Variants in ALG12 observed in about 807,000 individuals in gnomAD.
ALG12 encodes dol-P-Man:Man(7)GlcNAc(2)-PP-Dol alpha-1,6-mannosyltransferase.
ALG12 carries 36 observed loss-of-function variants against 46.0 expected under a neutral mutation model. The ratio of observed to expected loss-of-function variants is 0.78; its 90% CI spans 0.60 to 1.03. The LOEUF is 1.03. Among genes scored for constraint, ALG12 ranks in the 50% least tolerant of loss-of-function variants. The probability of loss-of-function intolerance (pLI) is 0.00; values close to 1 mark genes in which losing one functional copy is unlikely to be tolerated. For missense variants in ALG12, 599 were observed against 633.5 expected (o/e 0.95, Z 0.58); for synonymous variants, 326 against 291.6 (o/e 1.12, Z -1.20).
chr22:49,896,318 T>A (rs2060483434), downstream of ALG12, among the ~76,000 whole-genome samples: 1 of 152,250 alleles, frequency 6.6e-6, no homozygotes, highest in Non-Finnish European at 1.5e-5. Flanking sequence ...ATAAAGGTTT[T>A]TCCAGAAGCA....
intron 1 of ALG12, among the ~76,000 whole-genome samples, chr22:49,917,848 A>G (rs2060622919): frequency 7.0e-6 from 1 of 142,908 alleles, no homozygotes; most frequent in African/African-American, 2.7e-5. Context: ...CATCACCTCA[A>G]GCGCCTGTAG....
chr22:49,870,736 G>GCAGATATTTT, the ALG12 span, among the ~76,000 whole-genome samples: 1 of 151,952 alleles, frequency 6.6e-6, no homozygotes, highest in Non-Finnish European at 1.5e-5. Flanking sequence ...TGCATAGTTT[G>GCAGATATTTT]CAGATATTTT....
At chr22:49,867,401 G>C in the ALG12 span, among the ~76,000 whole-genome samples, 1 of 152,214 alleles carries the variant, frequency 6.6e-6, no homozygotes, top group Admixed American at 6.5e-5. Context: ...GCACTGCGGT[G>C]CATCCACTGG....
the ALG12 span, among the ~76,000 whole-genome samples, chr22:49,874,764 G>A: frequency 3.9e-5 from 5 of 126,746 alleles, no homozygotes; most frequent in Non-Finnish European, 6.2e-5. Context: ...ACTGCACCTC[G>A]ACCTCCCGTC....
the ALG12 span, chr22:49,886,552 C>T: frequency 6.4e-7 from 1 of 1,563,108 alleles, no homozygotes; most frequent in African/African-American, 1.4e-5. The surrounding 1 kb of genome is among the most constrained non-coding windows in gnomAD (Gnocchi z 7.7). Context: ...GGTACACATC[C>T]TCAACAGGAA....
chr22:49,907,255 C>G (rs1450156072), intron 7 of ALG12, among the ~76,000 whole-genome samples: 1 of 152,206 alleles, frequency 6.6e-6, no homozygotes, highest in African/African-American at 2.4e-5. Context: ...TGCCCTCTGC[C>G]GCTGCTACCT....
the ALG12 span, among the ~76,000 whole-genome samples, chr22:49,861,711 A>G: frequency 5.3e-5 from 8 of 152,292 alleles, no homozygotes; most frequent in Non-Finnish European, 1.0e-4. Flanking sequence ...TGCTGGGATT[A>G]CAGGCGTGAG....
chr22:49,900,823 C>G lies in ALG12; in HGVS notation c.*3015G>C, dbSNP rs951080105. The G allele has an allele frequency of 6.6e-6, 1 of 152,262 alleles. No homozygotes were observed. The highest frequency in any genetic ancestry group is 1.5e-5 in the Non-Finnish European group (1 of 68,072). 9.4% of individuals were successfully genotyped at this position (152,262 alleles called of 1,614,324 possible). A position where few individuals can be genotyped will look rare whatever the true frequency, so the allele number is the denominator to read the frequency against. On this transcript the variant is annotated 3_prime_UTR_variant, in exon 10 of 10. Transcript: ENST00000330817. ...ACATATTACATATGTACGTGTGCAACTGCACGCAGCATGCCTGTCCTCCCT... is the reference window on the plus strand; with the variant it reads ...ACATATTACATATGTACGTGTGCAAGTGCACGCAGCATGCCTGTCCTCCCT...
At chr22:49,895,577 G>A (rs150379693), downstream of ALG12, among the ~76,000 whole-genome samples, 11 of 152,012 alleles carry the variant, frequency 7.2e-5, no homozygotes, top group African/African-American at 2.7e-4. Flanking sequence ...ACTTGAACCT[G>A]GGAGGCAGTG....
the ALG12 span, among the ~76,000 whole-genome samples, chr22:49,859,998 C>A: frequency 1.5e-5 from 2 of 132,832 alleles, no homozygotes; most frequent in Non-Finnish European, 3.2e-5. Flanking sequence ...CCCATCTTTA[C>A]AAAAACATAC....
At chr22:49,874,181 AG>A in the ALG12 span, among the ~76,000 whole-genome samples, 1 of 152,120 alleles carries the variant, frequency 6.6e-6, no homozygotes, top group Admixed American at 6.5e-5. Context: ...GAATATGCCG[AG>A]GGGAAGCACT....
chr22:49,866,340 C>T, the ALG12 span, among the ~76,000 whole-genome samples: 2 of 152,090 alleles, frequency 1.3e-5, no homozygotes, highest in South Asian at 4.2e-4. Flanking sequence ...CTTTACGTGT[C>T]TTTTAAATTG....
At chr22:49,884,315 C>A in the ALG12 span, 1 of 1,613,772 alleles carries the variant, frequency 6.2e-7, no homozygotes, top group Non-Finnish European at 8.5e-7. Context: ...AAGATCCCGT[C>A]CCCCGATCGA....
the ALG12 span, chr22:49,885,987 G>A: frequency 2.6e-5 from 18 of 696,276 alleles, no homozygotes; most frequent in East Asian, 4.2e-4. Context: ...TGTCGCAGGT[G>A]GACTGCGACT....
rs1014668385 is a variant in ALG12 at position 49,910,808 on chromosome 22, C to T, written c.296-201G>A. 6.6e-5 allele frequency among the ~76,000 whole-genome samples: 10 copies of T among 152,246 alleles called. No homozygotes were observed. The East Asian group carries it at 7.7e-4, about 12-fold the overall frequency. The stretch of plus-strand genomic sequence containing the variant: ...CAGACGACTGGACCCAGGCCCCCTG[C>T]GCTCCTGTCGGGAACTGAGGACCCT... On this transcript the variant is annotated intron_variant, in intron 3 of 9. Transcript: ENST00000330817.
chr22:49,883,613 G>A, the ALG12 span: 19 of 1,479,424 alleles, frequency 1.3e-5, no homozygotes, highest in East Asian at 6.9e-5. Flanking sequence ...TGAGCACTTG[G>A]ATCAGTGTTT....
chr22:49,897,663 CTTT>C (rs146468551), downstream of ALG12, among the ~76,000 whole-genome samples: 8,751 of 102,950 alleles, frequency 0.085, 213 homozygotes, highest in South Asian at 0.13. Context: ...CCCATGTTTT[CTTT>C]TTTTTTTTTT....
chr22:49,911,106 G>A (rs554229954), intron 3 of ALG12, among the ~76,000 whole-genome samples: 1 of 152,380 alleles, frequency 6.6e-6, no homozygotes, highest in African/African-American at 2.4e-5. Context: ...AGGAGGTGGT[G>A]AGGGGGCAGG....
At chr22:49,892,104 C>T in the ALG12 span, among the ~76,000 whole-genome samples, 10 of 140,954 alleles carry the variant, frequency 7.1e-5, no homozygotes, top group East Asian at 2.1e-4. Flanking sequence ...AGGAGAATGG[C>T]GTGAACCTGG....
Sources: gnomAD v4.1 joint callset for allele counts (sites outside exome capture counted in the v4.1 genomes callset) on GRCh38, gnomAD v4.1.1 for gene constraint, Gnocchi (gnomAD v3.1) non-coding constraint, MANE v1.5 for transcripts, NCBI Gene and HGNC (gene_info 2026-07-23, HGNC 2026-07-21) for gene names.